Variants in RBFOX1 observed in about 807,000 individuals in gnomAD.
RBFOX1 encodes RNA binding protein fox-1 homolog 1.
RBFOX1 carries 8 observed loss-of-function variants against 57.7 expected under a neutral mutation model. That is an observed-to-expected ratio of 0.14 (90% CI 0.08 to 0.25). RBFOX1 has a LOEUF of 0.25. RBFOX1 is among the 10% of genes least tolerant of loss of function. The pLI is 1.00. For synonymous variants in RBFOX1, 326 were observed against 222.4 expected (o/e 1.47, Z -4.15); for missense variants, 611 against 548.5 (o/e 1.11, Z -1.14).
intron 3 of RBFOX1, among the ~76,000 whole-genome samples, chr16:5,665,781 C>T (rs1357550797): frequency 5.3e-5 from 8 of 152,180 alleles, no homozygotes; most frequent in East Asian, 1.9e-4. Context: ...ACAGGGGGTT[C>T]GGGCACAGTC....
intron 3 of RBFOX1, among the ~76,000 whole-genome samples, chr16:5,671,501 C>A (rs1248547892): frequency 1.3e-5 from 2 of 152,202 alleles, no homozygotes; most frequent in Non-Finnish European, 2.9e-5. Context: ...TCAGGAAATT[C>A]AGCCAGAGGA....
At chr16:6,102,672 T>C (rs2096327968) in intron 1 of RBFOX1, among the ~76,000 whole-genome samples, 1 of 152,212 alleles carries the variant, frequency 6.6e-6, no homozygotes, top group Non-Finnish European at 1.5e-5. Context: ...TATTGTTCCC[T>C]TGTGAATTTT....
chr16:5,897,410 G>A (rs1232204048), intron 4 of RBFOX1, among the ~76,000 whole-genome samples: 1 of 152,130 alleles, frequency 6.6e-6, no homozygotes, highest in African/African-American at 2.4e-5. Context: ...CCTCCTTAAA[G>A]GGTCTTACAT....
chr16:5,756,949 TC>T (rs1320211634), intron 3 of RBFOX1, among the ~76,000 whole-genome samples: 1 of 152,240 alleles, frequency 6.6e-6, no homozygotes, highest in East Asian at 1.9e-4. Context: ...AACTGTATTA[TC>T]TTAACACAAT....
chr16:7,324,425 C>T (rs745910628), intron 4 of RBFOX1, among the ~76,000 whole-genome samples: 5 of 152,172 alleles, frequency 3.3e-5, no homozygotes, highest in Admixed American at 6.5e-5. Context: ...AAAAGTCCAG[C>T]GGAGTAGCTG....
intron 3 of RBFOX1, among the ~76,000 whole-genome samples, chr16:6,895,442 G>GTATATATATA (rs1277364462): frequency 3.8e-5 from 3 of 78,672 alleles, no homozygotes; most frequent in East Asian, 7.7e-4. Flanking sequence ...GTGTGTGTGT[G>GTATATATATA]TGTGTGTATA....
chr16:7,440,664 C>G (rs1391540096), intron 4 of RBFOX1, among the ~76,000 whole-genome samples: 3 of 152,154 alleles, frequency 2.0e-5, no homozygotes, highest in African/African-American at 4.8e-5. Context: ...TGCTCCAAGA[C>G]TCAGGTGAAT....
At chr16:7,149,453 G>A (rs760530060) in intron 4 of RBFOX1, among the ~76,000 whole-genome samples, 42 of 149,830 alleles carry the variant, frequency 2.8e-4, no homozygotes, top group East Asian at 7.9e-4. Context: ...CAAGCTTCCT[G>A]TGGCTCTTTC....
At chr16:6,221,846 A>G (rs1348334850) in intron 1 of RBFOX1, among the ~76,000 whole-genome samples, 1 of 152,206 alleles carries the variant, frequency 6.6e-6, no homozygotes, top group African/African-American at 2.4e-5. Context: ...TGCCCCCATG[A>G]TCCAGTTTTC....
intron 3 of RBFOX1, among the ~76,000 whole-genome samples, chr16:6,867,013 C>CT (rs2060053921): frequency 7.1e-6 from 1 of 141,040 alleles, no homozygotes; most frequent in Non-Finnish European, 1.6e-5. Flanking sequence ...GTTAGCTGTT[C>CT]TTTAAAAAAA....
chr16:7,144,955 T>C (rs569252331), intron 4 of RBFOX1, among the ~76,000 whole-genome samples: 1 of 152,018 alleles, frequency 6.6e-6, no homozygotes, highest in South Asian at 2.1e-4. Context: ...CCTCTCCCCC[T>C]CCCCCAGTGG....
At chr16:6,368,040 G>A (rs777286173) in intron 2 of RBFOX1, among the ~76,000 whole-genome samples, 1 of 152,130 alleles carries the variant, frequency 6.6e-6, no homozygotes, top group Admixed American at 6.5e-5. Context: ...TTTTCTTTAC[G>A]TGTCTTGGTC....
downstream of RBFOX1, among the ~76,000 whole-genome samples, chr16:5,603,364 G>T (rs558144238): frequency 4.6e-5 from 7 of 151,632 alleles, no homozygotes; most frequent in African/African-American, 1.7e-4. Context: ...AGGCTCAGAA[G>T]GGCATGGCTT....
At chr16:6,622,855 T>G (rs1287972706) in intron 2 of RBFOX1, among the ~76,000 whole-genome samples, 1 of 152,174 alleles carries the variant, frequency 6.6e-6, no homozygotes. Flanking sequence ...AAATTTAGTT[T>G]TTGTTGTTTT....
intron 3 of RBFOX1, among the ~76,000 whole-genome samples, chr16:5,834,857 G>A (rs1325520142): frequency 4.6e-5 from 7 of 152,232 alleles, no homozygotes; most frequent in African/African-American, 1.7e-4. Flanking sequence ...CCATTGGGTA[G>A]CTATCCAGTG....
chr16:7,460,915 T>A (rs2059467062), intron 4 of RBFOX1, among the ~76,000 whole-genome samples: 1 of 152,184 alleles, frequency 6.6e-6, no homozygotes, highest in Admixed American at 6.5e-5. Flanking sequence ...TGAAAATGGC[T>A]GGTTCTTGGA....
upstream of RBFOX1, among the ~76,000 whole-genome samples, chr16:6,015,847 C>G (rs9930950): frequency 0.021 from 3,255 of 152,310 alleles, 115 homozygotes; most frequent in African/African-American, 0.073. Context: ...GTTGCAATCA[C>G]TCATTTATGT....
intron 4 of RBFOX1, among the ~76,000 whole-genome samples, chr16:7,190,123 G>A (rs1226701152): frequency 6.6e-6 from 1 of 152,192 alleles, no homozygotes; most frequent in Non-Finnish European, 1.5e-5. Context: ...AACTTTGGGA[G>A]GCCAAGGCGG....
chr16:5,958,011 T>C (rs2059679688), intron 4 of RBFOX1, among the ~76,000 whole-genome samples: 1 of 152,202 alleles, frequency 6.6e-6, no homozygotes, highest in South Asian at 2.1e-4. Context: ...CTACTCTCTA[T>C]GTCCATATGT....
Sources: allele counts gnomAD v4.1 joint callset (sites outside exome capture counted in the v4.1 genomes callset), GRCh38; gene constraint gnomAD v4.1.1; transcripts MANE v1.5; gene names NCBI Gene and HGNC (gene_info 2026-07-23, HGNC 2026-07-21).